The following MAD1L1 variants were observed in gnomAD, a reference collection of about 807,000 sequenced individuals.
MAD1L1 encodes mitotic arrest deficient 1 like 1.
A neutral mutation model predicts 96.9 loss-of-function variants in MAD1L1; 95 were observed. The ratio of observed to expected loss-of-function variants is 0.98; its 90% CI spans 0.83 to 1.16. The LOEUF is 1.16. MAD1L1 is among the 50% of genes most tolerant of loss of function. The probability of loss-of-function intolerance (pLI) is 0.00; values close to 1 mark genes in which losing one functional copy is unlikely to be tolerated. For missense variants in MAD1L1, 1,007 were observed against 954.4 expected (o/e 1.06, Z -0.73); for synonymous variants, 473 against 396.6 (o/e 1.19, Z -2.29).
chr7:1,894,319 G>A (rs187620721), intron 18 of MAD1L1, among the ~76,000 whole-genome samples: 1 of 152,174 alleles, frequency 6.6e-6, no homozygotes, highest in Non-Finnish European at 1.5e-5. Context: ...CTTACAGGGA[G>A]CCTTTGAAAG....
chr7:2,088,946 T>C lies in MAD1L1; in HGVS notation c.1074-19608A>G, dbSNP rs372356666. 3 of 152,282 alleles carry C rather than the reference T, an allele frequency of 2.0e-5. No homozygotes were observed. Among genetic ancestry groups the C allele is most frequent in the African/African-American group, 7.2e-5 (3 of 41,458 alleles). The allele number at this position is 152,282 out of a possible 1,614,324, so 9.4% of individuals were successfully genotyped here. On this transcript the variant is annotated intron_variant, in intron 11 of 18. Transcript: ENST00000265854. This position sits in a 1 kb window ranked among gnomAD's most constrained non-coding sequence, Gnocchi z 4.4. ...CTGCAGAAGGCCTCCGAGCCACGCA[T>C]GCAGGCGCCTCACCCGGTGGCTGCC...
chr7:2,225,680 C>T (rs2115018571), intron 3 of MAD1L1, 130 bp from the exon 4 acceptor site: 1 of 999,336 alleles, frequency 1.0e-6, no homozygotes, highest in Non-Finnish European at 1.5e-6. Flanking sequence ...CTTGATGTGG[C>T]CCAGCCACTG....
At chr7:2,083,396 G>A (rs1299381051) in intron 11 of MAD1L1, among the ~76,000 whole-genome samples, 1 of 152,182 alleles carries the variant, frequency 6.6e-6, no homozygotes, top group Non-Finnish European at 1.5e-5. Context: ...ACAAAGACAG[G>A]AATGACCTTT....
intron 13 of MAD1L1, among the ~76,000 whole-genome samples, chr7:2,012,529 G>C (rs1009324459): frequency 1.3e-5 from 2 of 152,220 alleles, no homozygotes; most frequent in Non-Finnish European, 2.9e-5. Flanking sequence ...TCAGTGTGCA[G>C]CCCTCCGCAG....
intron 12 of MAD1L1, among the ~76,000 whole-genome samples, chr7:2,057,192 G>C (rs1255461333): frequency 2.0e-5 from 3 of 152,240 alleles, no homozygotes; most frequent in African/African-American, 4.8e-5. Flanking sequence ...GTTTTCCACA[G>C]CACCTAAATG....
chr7:1,887,262 C>T (rs1230267166), intron 18 of MAD1L1, among the ~76,000 whole-genome samples: 1 of 152,038 alleles, frequency 6.6e-6, no homozygotes, highest in Admixed American at 6.6e-5. Flanking sequence ...CATGTGTGGG[C>T]ATGTGTGCAT....
chr7:2,181,188 C>T (rs1791182185), intron 10 of MAD1L1, among the ~76,000 whole-genome samples: 1 of 152,214 alleles, frequency 6.6e-6, no homozygotes, highest in African/African-American at 2.4e-5. Flanking sequence ...ATTGCTTTCT[C>T]CACCATGTAT....
In MAD1L1 at chr7:2,230,042, A is replaced by C; in HGVS notation, c.92T>G (p.Leu31Arg). The change falls in exon 3 of 19, where the codon CTG (leucine) becomes CGG (arginine). Residue 31 changes from leucine to arginine, a missense_variant. By Grantham distance (102) the Leu-to-Arg change is moderately radical. Transcript: ENST00000265854. ...ACCTGGGGCCGAGGTAGAAATATCC[A>C]GTCCAGAGCCTCCCTCCACACGCTG... ...ISQRVEGGSG[L>R]DISTSAPGSL... The C allele has an allele frequency of 6.2e-7, 1 of 1,613,834 alleles. No homozygotes were observed. The highest frequency in any genetic ancestry group is 8.5e-7 in the Non-Finnish European group (1 of 1,179,978).
At chr7:2,152,276 G>A (rs1232825333) in intron 10 of MAD1L1, among the ~76,000 whole-genome samples, 1 of 152,222 alleles carries the variant, frequency 6.6e-6, no homozygotes, top group African/African-American at 2.4e-5. Flanking sequence ...CCCCATCATA[G>A]GGAGGACTGA....
chr7:1,986,509 G>A (rs533424331), intron 14 of MAD1L1, among the ~76,000 whole-genome samples: 38 of 146,008 alleles, frequency 2.6e-4, no homozygotes, highest in Non-Finnish European at 2.9e-4. Context: ...CCGGCAAGGG[G>A]GTTCTACTCC....
At chr7:1,887,782 T>TGC (rs1786186854) in intron 18 of MAD1L1, among the ~76,000 whole-genome samples, 1 of 147,040 alleles carries the variant, frequency 6.8e-6, no homozygotes, top group South Asian at 2.2e-4. Context: ...CCTGTGTGTG[T>TGC]GCATGTGTGC....
At chr7:1,980,019 C>A (rs1313500902) in intron 15 of MAD1L1, among the ~76,000 whole-genome samples, 1 of 152,192 alleles carries the variant, frequency 6.6e-6, no homozygotes, top group African/African-American at 2.4e-5. Context: ...ATGGGACTTA[C>A]AAAGAAAAGC....
At chr7:1,964,091 G>A (rs955567357) in intron 15 of MAD1L1, among the ~76,000 whole-genome samples, 4 of 152,182 alleles carry the variant, frequency 2.6e-5, no homozygotes, top group South Asian at 2.1e-4. Context: ...TCACAGAGCT[G>A]GTAAGGGGCC....
At chr7:1,845,792 C>T (rs1385051337) in intron 18 of MAD1L1, 2 of 152,666 alleles carry the variant, frequency 1.3e-5, no homozygotes, top group Non-Finnish European at 2.9e-5. Flanking sequence ...ACACGCTCCA[C>T]ACCACCTCTG....
intron 12 of MAD1L1, among the ~76,000 whole-genome samples, chr7:2,042,902 TCCAC>T: frequency 6.7e-6 from 1 of 150,032 alleles, no homozygotes; most frequent in East Asian, 1.9e-4. Context: ...CACGTCCACG[TCCAC>T]ATCCACGTCC....
chr7:2,102,174 A>G (rs1172489823), intron 11 of MAD1L1, among the ~76,000 whole-genome samples: 3 of 150,304 alleles, frequency 2.0e-5, no homozygotes, highest in Admixed American at 6.7e-5. Flanking sequence ...CAACACTGCC[A>G]CTGTCACCAC....
chr7:2,042,225 A>G (rs1215470900), intron 12 of MAD1L1, among the ~76,000 whole-genome samples: 4 of 67,856 alleles, frequency 5.9e-5, no homozygotes, highest in African/African-American at 3.9e-4. Flanking sequence ...AGACGTGCAC[A>G]CACAAGCGCA....
At chr7:2,175,154 G>A (rs541560854) in intron 10 of MAD1L1, 6 of 152,376 alleles carry the variant, frequency 3.9e-5, no homozygotes, top group African/African-American at 9.6e-5. Flanking sequence ...GTCCCGAAAA[G>A]CGCCAAGTGC....
chr7:1,856,635 A>T (rs960070009), intron 18 of MAD1L1, among the ~76,000 whole-genome samples: 1 of 152,122 alleles, frequency 6.6e-6, no homozygotes, highest in South Asian at 2.1e-4. Context: ...GTTCAGGAGG[A>T]GCTGCTCGCG....
Sources: allele counts gnomAD v4.1 joint callset (sites outside exome capture counted in the v4.1 genomes callset), GRCh38; gene constraint gnomAD v4.1.1; non-coding constraint Gnocchi (gnomAD v3.1); transcripts MANE v1.5; gene names NCBI Gene and HGNC (gene_info 2026-07-23, HGNC 2026-07-21).